Variants in EML1 observed in about 807,000 individuals in gnomAD.
EML1 encodes echinoderm microtubule-associated protein-like 1.
EML1 carries 27 observed loss-of-function variants against 110.4 expected under a neutral mutation model. That is an observed-to-expected ratio of 0.24 (90% CI 0.18 to 0.34). The LOEUF is 0.34. Ranked by LOEUF, EML1 falls within the 10% of genes least tolerant of loss-of-function variation. The pLI is 1.00. For missense variants in EML1, 741 were observed against 1,030.9 expected (o/e 0.72, Z 3.85); for synonymous variants, 344 against 385.8 (o/e 0.89, Z 1.27).
At chr14:99,870,521 G>A (rs2059180308) in intron 3 of EML1, among the ~76,000 whole-genome samples, 1 of 152,218 alleles carries the variant, frequency 6.6e-6, no homozygotes, top group African/African-American at 2.4e-5. Context: ...ATTGGAGGAA[G>A]GTGCCATCTA....
intron 1 of EML1, among the ~76,000 whole-genome samples, chr14:99,740,144 C>T (rs1241745159): frequency 6.6e-6 from 1 of 152,208 alleles, no homozygotes; most frequent in Non-Finnish European, 1.5e-5. Flanking sequence ...AGAGGACCCA[C>T]TGTGTCCTGG....
At chr14:99,770,660 G>A (rs550087670), upstream of EML1, among the ~76,000 whole-genome samples, 7 of 152,130 alleles carry the variant, frequency 4.6e-5, no homozygotes, top group East Asian at 1.9e-4. Context: ...ATCACCTGGC[G>A]AAGTAACAAG....
chr14:99,797,073 C>T (rs1471210408), intron 1 of EML1, among the ~76,000 whole-genome samples: 2 of 152,164 alleles, frequency 1.3e-5, no homozygotes, highest in Non-Finnish European at 2.9e-5. Flanking sequence ...TTGCATTACT[C>T]CAGAAGAAAC....
chr14:99,738,263 G>A (rs772945094), intron 1 of EML1, among the ~76,000 whole-genome samples: 8 of 152,198 alleles, frequency 5.3e-5, no homozygotes, highest in African/African-American at 1.9e-4. Flanking sequence ...CACAGCTTCC[G>A]TCTGATTCCC....
At chr14:99,850,259 T>C in intron 1 of EML1, 1 of 1,277,732 alleles carries the variant, frequency 7.8e-7, no homozygotes, top group Non-Finnish European at 1.0e-6. Context: ...TGATGTACAA[T>C]GAGATTGGAG....
chr14:99,858,825 T>C (rs971659366), intron 2 of EML1, among the ~76,000 whole-genome samples: 2 of 152,214 alleles, frequency 1.3e-5, no homozygotes, highest in South Asian at 2.1e-4. Context: ...AATTTTGAAA[T>C]GGATAATTAG....
chr14:99,916,029 A>T (rs1438233164), intron 15 of EML1, among the ~76,000 whole-genome samples: 1 of 152,254 alleles, frequency 6.6e-6, no homozygotes, highest in East Asian at 1.9e-4. Context: ...TGATGGCAGG[A>T]AAGGGCTAAA....
At chr14:99,930,272 G>A (rs1032921505) in intron 17 of EML1, among the ~76,000 whole-genome samples, 14 of 152,296 alleles carry the variant, frequency 9.2e-5, no homozygotes, top group Admixed American at 1.3e-4. Flanking sequence ...CTCGCTTCTC[G>A]CACAACAGGC....
At chr14:99,835,227 AT>A (rs1322904507) in intron 1 of EML1, among the ~76,000 whole-genome samples, 1 of 152,082 alleles carries the variant, frequency 6.6e-6, no homozygotes, top group Non-Finnish European at 1.5e-5. Context: ...GAATGTGTAT[AT>A]TTTATCTAAG....
At position 99,824,437 on chromosome 14, in the gene EML1, A is replaced by G. The variant is rs1321634456; in HGVS notation, c.68-26416A>G. On this transcript the variant is annotated intron_variant, in intron 1 of 21. Coordinates refer to ENST00000262233, the MANE Select transcript of EML1 (RefSeq NM_004434.3). ...GCATACACATACTATGTACACACAT[A>G]TGTATGTCAGTAATTGGCCTCGGAA... Among the ~76,000 whole-genome samples, 3 of 152,146 alleles carry G rather than the reference A, an allele frequency of 2.0e-5. No individual in the cohort carries two copies. In the East Asian group the frequency reaches 5.8e-4, roughly 29 times the overall value.
chr14:99,804,293 C>T (rs571660253), intron 1 of EML1, among the ~76,000 whole-genome samples: 1 of 152,316 alleles, frequency 6.6e-6, no homozygotes, highest in African/African-American at 2.4e-5. Context: ...ATGTCTCATT[C>T]ATGCGTGTAT....
At chr14:99,931,146 G>A (rs2060360234) in intron 17 of EML1, among the ~76,000 whole-genome samples, 1 of 152,138 alleles carries the variant, frequency 6.6e-6, no homozygotes, top group Admixed American at 6.5e-5. Flanking sequence ...AGATGCAGCA[G>A]TCTTGTCTCC....
At chr14:99,886,338 C>T (rs959900063) in intron 4 of EML1, among the ~76,000 whole-genome samples, 6 of 152,068 alleles carry the variant, frequency 3.9e-5, no homozygotes, top group African/African-American at 1.2e-4. Flanking sequence ...AAACATTAGC[C>T]GAGTTTGGTG....
At chr14:99,748,889 T>C (rs973498479) in intron 1 of EML1, among the ~76,000 whole-genome samples, 5 of 152,204 alleles carry the variant, frequency 3.3e-5, no homozygotes, top group Non-Finnish European at 7.3e-5. Flanking sequence ...ATTCTGCATT[T>C]TTCATATGAG....
intron 1 of EML1, among the ~76,000 whole-genome samples, chr14:99,805,683 T>C (rs1391314265): frequency 3.3e-5 from 5 of 152,046 alleles, no homozygotes; most frequent in Non-Finnish European, 5.9e-5. Flanking sequence ...GATTTGTTCC[T>C]CAAGCTGGTT....
Position 99,939,256 on chromosome 14 carries a change from A to C in EML1, c.2251A>C (p.Lys751Gln), listed in dbSNP as rs576268658. 2 of 1,614,114 alleles carry C rather than the reference A, an allele frequency of 1.2e-6. No individual in the cohort carries two copies. Among genetic ancestry groups the C allele is most frequent in the East Asian group, 4.5e-5 (2 of 44,876 alleles). The change falls in exon 21 of 22, where the codon AAG (lysine) becomes CAG (glutamine). Residue 751 changes from lysine (K) to glutamine (Q), a missense_variant. Physicochemically the swap from Lys to Gln is moderately conservative, Grantham distance 53. This residue lies in a region of EML1 where 114 missense variants were observed against 122.5 expected (regional missense o/e 0.93). Coordinates refer to ENST00000262233, the MANE Select transcript of EML1 (RefSeq NM_004434.3). The surrounding 1 kb of genome is among the most constrained non-coding windows in gnomAD (Gnocchi z 4.2). ...CAATGCCGTCTGTCGGGCCCATGAGAAGAAACTCCTGTCAACAGGCGACGA... is the reference window on the plus strand; with the variant it reads ...CAATGCCGTCTGTCGGGCCCATGAGCAGAAACTCCTGTCAACAGGCGACGA... ...DINAVCRAHE[K>Q]KLLSTGDDFG...
chr14:99,940,244 A>C lies in EML1; in HGVS notation c.*132A>C, dbSNP rs1158429770. 1.6e-6 allele frequency: 2 copies of C among 1,281,176 alleles called. No homozygotes were observed. Among genetic ancestry groups the C allele is most frequent in the African/African-American group, 3.1e-5 (2 of 65,566 alleles). 79.4% of individuals were successfully genotyped at this position (1,281,176 alleles called of 1,614,324 possible). A position where few individuals can be genotyped will look rare whatever the true frequency, so the allele number is the denominator to read the frequency against. Reference sequence around the variant, plus strand: ...AGGAAAACTGTGCCCTCCGCCGGCTACCTTAGCTTAGCGTGTCAGCGGGCG... The same window carrying C: ...AGGAAAACTGTGCCCTCCGCCGGCTCCCTTAGCTTAGCGTGTCAGCGGGCG... On this transcript the variant is annotated 3_prime_UTR_variant, in exon 22 of 22. Coordinates refer to ENST00000262233, the MANE Select transcript of EML1 (RefSeq NM_004434.3).
At chr14:99,783,218 A>G (rs1052763648) in intron 1 of EML1, among the ~76,000 whole-genome samples, 1 of 131,964 alleles carries the variant, frequency 7.6e-6, no homozygotes, top group East Asian at 2.3e-4. Flanking sequence ...TTCAATTCCC[A>G]CCTATGAGAG....
At chr14:99,848,948 G>GT (rs2058746326) in intron 1 of EML1, among the ~76,000 whole-genome samples, 2 of 134,584 alleles carry the variant, frequency 1.5e-5, no homozygotes, top group South Asian at 5.0e-4. Context: ...GGGCAACGGA[G>GT]TAAGACCCTG....
Sources: gnomAD v4.1 joint callset for allele counts (sites outside exome capture counted in the v4.1 genomes callset) on GRCh38, gnomAD v4.1.1 for gene constraint, gnomAD v4.1.1 regional missense constraint, Gnocchi (gnomAD v3.1) non-coding constraint, MANE v1.5 for transcripts, NCBI Gene and HGNC (gene_info 2026-07-23, HGNC 2026-07-21) for gene names.